KIAA1671: variants seen among roughly 807,000 people sequenced by gnomAD.
KIAA1671 encodes the protein KIAA1671, also known as uncharacterized protein KIAA1671.
A neutral mutation model predicts 131.2 loss-of-function variants in KIAA1671; 52 were observed. The observed-to-expected ratio is 0.40, with a 90% CI of 0.32 to 0.50. The LOEUF (loss-of-function observed/expected upper bound fraction) is 0.50, where lower values mean the gene tolerates loss of function less well. KIAA1671 is among the 20% of genes least tolerant of loss of function. The probability of loss-of-function intolerance (pLI) is 0.73; values close to 1 mark genes in which losing one functional copy is unlikely to be tolerated. For synonymous variants in KIAA1671, 1,003 were observed against 961.6 expected (o/e 1.04, Z -0.80); for missense variants, 2,360 against 2,364.2 (o/e 1.00, Z 0.04).
chr22:25,021,681 T>A (rs1488350037), intron 1 of KIAA1671, among the ~76,000 whole-genome samples: 1 of 152,156 alleles, frequency 6.6e-6, no homozygotes, highest in Non-Finnish European at 1.5e-5. Context: ...ACTCCAGTGA[T>A]ACTTGACATT....
At position 25,185,096 on chromosome 22, in the gene KIAA1671, T is replaced by C. The variant is rs1435968162; in HGVS notation, c.5319T>C (p.Pro1773=). The change falls in exon 11 of 13, where the codon CCT becomes CCC. Residue 1773 remains proline, a synonymous_variant. Transcript: ENST00000358431. Reference sequence around the variant, plus strand: ...GGGTGCTGGGCAGTCGCGTGCTGCCTTCCAGCATGGACAAGGATGAGAGGT... The same window carrying C: ...GGGTGCTGGGCAGTCGCGTGCTGCCCTCCAGCATGGACAAGGATGAGAGGT... ...QPGVLGSRVL[P]SSMDKDERSD... 5 of 1,551,260 alleles carry C rather than the reference T, an allele frequency of 3.2e-6. No homozygotes were observed. In the African/African-American group the frequency reaches 6.8e-5, roughly 21 times the overall value.
intron 6 of KIAA1671, chr22:25,057,803 GC>G (rs1349505427): frequency 6.6e-6 from 1 of 152,378 alleles, no homozygotes; most frequent in African/African-American, 2.4e-5. Flanking sequence ...CAGCATGCTG[GC>G]TAATTTTTGT....
chr22:24,994,089 G>GA (rs1007929440), intron 1 of KIAA1671, among the ~76,000 whole-genome samples: 18 of 145,316 alleles, frequency 1.2e-4, no homozygotes, highest in Non-Finnish European at 2.3e-4. Flanking sequence ...TCTCAGAAGA[G>GA]AAAAAAAAAA....
In KIAA1671 at chr22:25,040,857, G is replaced by T; in HGVS notation, c.3727G>T (p.Val1243Leu). ...PRERPVQLGG[V>L]EQRRRSLKEM... is the part of the protein sequence containing the mutation. ...GGAGAGGCCTGTTCAGCTGGGCGGG[G>T]TGGAGCAGAGAAGGAGGAGCCTGAA... Residue 1243 changes from valine to leucine, a missense_variant, in exon 5 of 13, where the codon GTG (valine) becomes TTG (leucine). Coordinates refer to ENST00000358431, the MANE Select transcript of KIAA1671 (RefSeq NM_001145206.2). 1.3e-6 allele frequency: 2 copies of T among 1,547,780 alleles called. No homozygotes were observed. Among genetic ancestry groups the T allele is most frequent in the African/African-American group, 1.4e-5 (1 of 73,016 alleles).
At chr22:25,152,616 A>G (rs1465904291) in intron 6 of KIAA1671, among the ~76,000 whole-genome samples, 1 of 152,058 alleles carries the variant, frequency 6.6e-6, no homozygotes, top group African/African-American at 2.4e-5. Flanking sequence ...CCCCTGTACC[A>G]ATGCACCTGG....
intron 1 of KIAA1671, among the ~76,000 whole-genome samples, chr22:24,997,530 C>G (rs1924202281): frequency 6.6e-6 from 1 of 151,952 alleles, no homozygotes; most frequent in African/African-American, 2.4e-5. Context: ...GGAAAGGGTG[C>G]TGGTATAGGG....
rs1569202495 is a variant in KIAA1671 at position 25,000,207 on chromosome 22, T to TAAATGTAGC, written c.-207-25426_-207-25425insAAATGTAGC. Among the ~76,000 whole-genome samples the TAAATGTAGC allele has an allele frequency of 2.4e-4, 20 of 83,232 alleles. 1 individual carries two copies. Among genetic ancestry groups the TAAATGTAGC allele is most frequent in the African/African-American group, 8.0e-4 (17 of 21,236 alleles). The allele number at this position is 83,232 out of a possible 152,430, so 54.6% of individuals were successfully genotyped here. ...CTGTTTTTTTTTTTTTTTTTTTTTT[T>TAAATGTAGC]TTTTGAGACGGAGTCTCGCTCTGTC... On this transcript the variant is annotated intron_variant, in intron 1 of 12. Coordinates refer to ENST00000358431, the MANE Select transcript of KIAA1671 (RefSeq NM_001145206.2).
intron 6 of KIAA1671, among the ~76,000 whole-genome samples, chr22:25,081,232 T>G (rs1452278477): frequency 2.0e-5 from 3 of 152,226 alleles, no homozygotes; most frequent in African/African-American, 7.2e-5. Context: ...AAGATTGGAC[T>G]GGAGTCTCTT....
At chr22:24,988,128 A>G (rs1162908105) in intron 1 of KIAA1671, among the ~76,000 whole-genome samples, 1 of 152,102 alleles carries the variant, frequency 6.6e-6, no homozygotes, top group Non-Finnish European at 1.5e-5. Flanking sequence ...ATATATTTTA[A>G]AAATAGCTGT....
chr22:25,093,715 A>T lies in KIAA1671; in HGVS notation c.4530+44351A>T, dbSNP rs1355178675. On this transcript the variant is annotated intron_variant, in intron 6 of 12. Transcript: ENST00000358431. ...CACACACACACACACACACACACAC[A>T]CACACACACACACACACACACACTC... Among the ~76,000 whole-genome samples, 189 of 115,556 alleles carry T rather than the reference A, an allele frequency of 1.6e-3. 9 individuals are homozygous for T. Among genetic ancestry groups the T allele is most frequent in the African/African-American group, 9.1e-3 (159 of 17,488 alleles). 75.8% of individuals were successfully genotyped at this position (115,556 alleles called of 152,430 possible).
chr22:25,156,693 G>A (rs1033825362), intron 6 of KIAA1671, among the ~76,000 whole-genome samples: 4 of 152,134 alleles, frequency 2.6e-5, no homozygotes, highest in African/African-American at 9.7e-5. Context: ...ACATTTGTGT[G>A]TATATACATG....
intron 4 of KIAA1671, among the ~76,000 whole-genome samples, chr22:25,036,509 A>AAT (rs1355879135): frequency 6.6e-6 from 1 of 152,146 alleles, no homozygotes; most frequent in African/African-American, 2.4e-5. Flanking sequence ...CGGTCTTTCT[A>AAT]ATATATATAT....
At chr22:25,086,067 A>C (rs1160095159) in intron 6 of KIAA1671, among the ~76,000 whole-genome samples, 4 of 152,228 alleles carry the variant, frequency 2.6e-5, no homozygotes, top group Admixed American at 2.0e-4. Flanking sequence ...CTCTATCAGT[A>C]GTGGCTGTGT....
chr22:24,985,237 G>C (rs1322682736), intron 1 of KIAA1671, among the ~76,000 whole-genome samples: 1 of 152,146 alleles, frequency 6.6e-6, no homozygotes, highest in Non-Finnish European at 1.5e-5. Flanking sequence ...TGCTGTCTCC[G>C]AGGTATTGAG....
At chr22:25,105,673 C>T (rs1341177275) in intron 6 of KIAA1671, among the ~76,000 whole-genome samples, 1 of 152,194 alleles carries the variant, frequency 6.6e-6, no homozygotes, top group Non-Finnish European at 1.5e-5. Flanking sequence ...CTTTGTAGCT[C>T]ACTTCTGCAC....
chr22:25,143,452 T>C (rs1366349892), intron 6 of KIAA1671, among the ~76,000 whole-genome samples: 1 of 152,220 alleles, frequency 6.6e-6, no homozygotes, highest in African/African-American at 2.4e-5. Context: ...TGAAATGAAT[T>C]CGTATAAAAT....
Position 25,041,067 on chromosome 22 carries a change from C to T in KIAA1671, c.3937C>T (p.Pro1313Ser), listed in dbSNP as rs1478805084. 16 of 1,533,754 alleles carry T rather than the reference C, an allele frequency of 1.0e-5. No homozygotes were observed. The highest frequency in any genetic ancestry group is 1.2e-5 in the South Asian group (1 of 80,296). Residue 1313 changes from proline to serine, a missense_variant, in exon 5 of 13, where the codon CCT becomes TCT. By Grantham distance (74) the Pro-to-Ser change is moderately conservative. Around this residue, in one of 3 missense-constraint regions of KIAA1671, gnomAD observed 1,161 missense variants for 1,204.7 expected, o/e 0.96. Coordinates refer to ENST00000358431, the MANE Select transcript of KIAA1671 (RefSeq NM_001145206.2). ...APSERYPGGS[P>S]IPADPRKKTG... ...TTCTGAAAGGTATCCAGGGGGCTCT[C>T]CTATACCTGCGGATCCCAGGAAAAA...
chr22:25,168,190 G>A (rs1037557134), intron 6 of KIAA1671, among the ~76,000 whole-genome samples: 2 of 152,160 alleles, frequency 1.3e-5, no homozygotes, highest in South Asian at 2.1e-4. Flanking sequence ...CACCTACTGC[G>A]TGCCAGGCAG....
At chr22:25,025,402 A>G (rs1378976404) in intron 1 of KIAA1671, among the ~76,000 whole-genome samples, 3 of 152,182 alleles carry the variant, frequency 2.0e-5, no homozygotes, top group Non-Finnish European at 4.4e-5. Context: ...TAGGTGCTTA[A>G]TAAATGTATC....
Sources: gnomAD v4.1 joint callset for allele counts (sites outside exome capture counted in the v4.1 genomes callset) on GRCh38, gnomAD v4.1.1 for gene constraint, gnomAD v4.1.1 regional missense constraint, MANE v1.5 for transcripts, NCBI Gene and HGNC (gene_info 2026-07-23, HGNC 2026-07-21) for gene names.